Variants in NOS2 observed in about 807,000 individuals in gnomAD.
NOS2 encodes the protein nitric oxide synthase 2, also known as nitric oxide synthase, inducible.
Under a neutral mutation model 136.0 loss-of-function variants are expected in NOS2, and 96 were observed. The observed-to-expected ratio is 0.71, with a 90% CI of 0.60 to 0.84. The LOEUF (loss-of-function observed/expected upper bound fraction) is 0.84. Ranked by LOEUF, NOS2 falls within the 40% of genes least tolerant of loss-of-function variation. The pLI is 0.00. For missense variants in NOS2, 1,237 were observed against 1,496.9 expected, an observed-to-expected ratio of 0.83 and a Z score of 2.87; for synonymous variants, 539 against 587.5, an observed-to-expected ratio of 0.92 and a Z score of 1.20.
intron 16 of NOS2, 114 bp from the exon 17 acceptor site, chr17:27,769,265 A>G (rs1908411730): frequency 1.8e-6 from 2 of 1,094,552 alleles, no homozygotes; most frequent in South Asian, 1.6e-5. Context: ...CCAGCTGGAG[A>G]ATGGAGCTGG....
At chr17:27,764,304 G>T (rs375422093) in intron 20 of NOS2, among the ~76,000 whole-genome samples, 160 bp from the exon 21 acceptor site, 2 of 151,942 alleles carry the variant, frequency 1.3e-5, no homozygotes, top group African/African-American at 4.8e-5. Flanking sequence ...AGAAGGTGGC[G>T]CATGGAGAAA....
chr17:27,781,857 TGG>T (rs1908858049), intron 7 of NOS2, among the ~76,000 whole-genome samples, 156 bp downstream of exon 7: 2 of 152,188 alleles, frequency 1.3e-5, no homozygotes, highest in Admixed American at 6.5e-5. Flanking sequence ...GGCTCACTAC[TGG>T]AAGTCCCCGA....
At chr17:27,760,518 C>T in intron 24 of NOS2, 105 bp downstream of exon 24, 1 of 1,474,336 alleles carries the variant, frequency 6.8e-7, no homozygotes, top group Admixed American at 2.0e-5. Flanking sequence ...CTTGGGAGGC[C>T]TTCCCTCGAG....
intron 5 of NOS2, among the ~76,000 whole-genome samples, chr17:27,784,200 G>A (rs3794763): frequency 0.26 from 38,597 of 151,326 alleles, 5,117 homozygotes; most frequent in Middle Eastern, 0.4. Flanking sequence ...GAGATTTCCA[G>A]TCAGCACCAA....
chr17:27,777,238 C>T (rs975505860), intron 11 of NOS2, among the ~76,000 whole-genome samples: 2 of 152,238 alleles, frequency 1.3e-5, no homozygotes, highest in East Asian at 3.8e-4. Context: ...TGCCCAGCAC[C>T]AGGCAAATGC....
At chr17:27,789,542 T>A (rs978225640) in intron 3 of NOS2, 62 bp downstream of exon 3, 27 of 1,280,820 alleles carry the variant, frequency 2.1e-5, no homozygotes, top group Non-Finnish European at 3.0e-5. Flanking sequence ...AACAGGCTGC[T>A]ATGTCTGCAT....
intron 2 of NOS2, 87 bp downstream of exon 2, chr17:27,798,613 G>A: frequency 1.2e-6 from 1 of 801,590 alleles, no homozygotes; most frequent in South Asian, 1.4e-5. Flanking sequence ...GAGAGGAGGA[G>A]CAGAGAGAGG....
intron 11 of NOS2, among the ~76,000 whole-genome samples, chr17:27,776,843 G>A (rs1039664178): frequency 3.3e-5 from 5 of 152,138 alleles, no homozygotes; most frequent in Non-Finnish European, 5.9e-5. Context: ...AGATGAGGGA[G>A]GCACTATTAT....
intron 3 of NOS2, 95 bp downstream of exon 3, chr17:27,789,509 C>T (rs1382634788): frequency 1.0e-6 from 1 of 963,838 alleles, no homozygotes; most frequent in African/African-American, 1.6e-5. Flanking sequence ...ACCCTGGCTT[C>T]CTGCCCTCTC....
chr17:27,777,002 C>T (rs867376347), intron 11 of NOS2, among the ~76,000 whole-genome samples: 6 of 152,158 alleles, frequency 3.9e-5, no homozygotes, highest in African/African-American at 7.2e-5. Context: ...TTTTCTGGGA[C>T]GTATCCACAT....
intron 1 of NOS2, among the ~76,000 whole-genome samples, chr17:27,799,215 G>C (rs1222773676): frequency 6.6e-6 from 1 of 152,196 alleles, no homozygotes; most frequent in African/African-American, 2.4e-5. Flanking sequence ...CTGGCCACAG[G>C]CAGGGTGAGG....
intron 22 of NOS2, among the ~76,000 whole-genome samples, chr17:27,761,831 A>G (rs189437514): frequency 8.4e-4 from 128 of 152,224 alleles, no homozygotes; most frequent in African/African-American, 2.4e-3. Flanking sequence ...GCACTTGAGG[A>G]AGGCCTCCAA....
intron 2 of NOS2, among the ~76,000 whole-genome samples, chr17:27,794,985 C>A (rs1042496036): frequency 1.3e-5 from 2 of 152,118 alleles, no homozygotes; most frequent in African/African-American, 2.4e-5. Context: ...CCTCCTCCCC[C>A]CAACTCCTCC....
At position 27,785,448 on chromosome 17, in the gene NOS2, C is replaced by T. The variant is rs1908992298; in HGVS notation, c.467+2230G>A. On this transcript the variant is annotated intron_variant, in intron 5 of 26. Coordinates refer to ENST00000313735, the MANE Select transcript of NOS2 (RefSeq NM_000625.4). The stretch of plus-strand genomic sequence containing the variant: ...CTCAATCCAGGCTGTGCATTAGAAT[C>T]ACCTGGGGAGCTTTTGAAGCACACA... 1.3e-5 allele frequency among the ~76,000 whole-genome samples: 2 copies of T among 152,172 alleles called. 1 individual carries two copies. Among genetic ancestry groups the T allele is most frequent in the South Asian group, 4.1e-4 (2 of 4,830 alleles).
chr17:27,779,764 G>A (rs183055460), intron 9 of NOS2, among the ~76,000 whole-genome samples: 1 of 152,208 alleles, frequency 6.6e-6, no homozygotes, highest in Non-Finnish European at 1.5e-5. Context: ...CTGACTAGCA[G>A]TGTGAACTTG....
chr17:27,792,142 A>G (rs1909212852), intron 2 of NOS2, among the ~76,000 whole-genome samples: 2 of 152,242 alleles, frequency 1.3e-5, no homozygotes, highest in Admixed American at 6.5e-5. Context: ...AAAGTTGGCT[A>G]AAAATCCACT....
intron 20 of NOS2, among the ~76,000 whole-genome samples, chr17:27,764,576 G>A (rs1282006900): frequency 6.6e-6 from 1 of 152,228 alleles, no homozygotes; most frequent in African/African-American, 2.4e-5. Flanking sequence ...AGCCCAAAGG[G>A]AAGTCCCAGG....
intron 5 of NOS2, among the ~76,000 whole-genome samples, chr17:27,786,169 T>A (rs2142521684): frequency 6.6e-6 from 1 of 151,728 alleles, no homozygotes; most frequent in South Asian, 2.1e-4. Context: ...ACGCCTGTAA[T>A]CCCAGCACTT....
At position 27,781,051 on chromosome 17, in the gene NOS2, G is replaced by T; in HGVS notation, c.849C>A (p.Asn283Lys). 2.5e-6 allele frequency: 4 copies of T among 1,613,622 alleles called. No individual in the cohort carries two copies. Among genetic ancestry groups the T allele is most frequent in the Non-Finnish European group, 2.5e-6 (3 of 1,179,862 alleles). Residue 283 changes from asparagine (N) to lysine (K), a missense_variant, in exon 8 of 27, where the codon AAC (asparagine) becomes AAA (lysine). Physicochemically the swap from Asn to Lys is moderately conservative, Grantham distance 94. Transcript: ENST00000313735. ...PDGSIRGDPA[N>K]VEFTQLCIDL... ...GGCCGGGTACCTGAGTGAATTCCAC[G>T]TTGGCAGGGTCCCCTCTGATGCTGC... is the stretch of plus-strand genomic sequence containing the variant.
Sources: allele counts gnomAD v4.1 joint callset (sites outside exome capture counted in the v4.1 genomes callset), GRCh38; gene constraint gnomAD v4.1.1; transcripts MANE v1.5; gene names NCBI Gene and HGNC (gene_info 2026-07-23, HGNC 2026-07-21).